The following CUX1 variants were observed in gnomAD, a reference collection of about 807,000 sequenced individuals.
CUX1 encodes protein CASP.
A neutral mutation model predicts 158.8 loss-of-function variants in CUX1; 31 were observed. That is an observed-to-expected ratio of 0.20 (90% CI 0.15 to 0.26). The LOEUF (loss-of-function observed/expected upper bound fraction) is 0.26. Among genes scored for constraint, CUX1 ranks in the 10% least tolerant of loss-of-function variants. CUX1 has a pLI of 1.00. For synonymous variants in CUX1, 879 were observed against 862.1 expected (o/e 1.02, Z -0.34); for missense variants, 1,589 against 2,014.6 (o/e 0.79, Z 4.04).
rs77106891 is a variant in CUX1 at position 102,167,452 on chromosome 7, G to A, written c.724-2994G>A. Among the ~76,000 whole-genome samples the A allele has an allele frequency of 1.2e-3, 181 of 152,248 alleles. 1 individual carries two copies. In the East Asian group the frequency reaches 0.032, roughly 27 times the overall value. ...GGGGACACCTTGTAACCAGATGCCCGGGACTTCCCCAGCGCTGGCCGTTCC... is the reference window on the plus strand; with the variant it reads ...GGGGACACCTTGTAACCAGATGCCCAGGACTTCCCCAGCGCTGGCCGTTCC... On this transcript the variant is annotated intron_variant, in intron 9 of 23. Coordinates refer to ENST00000292535, the MANE Select transcript of CUX1 (RefSeq NM_181552.4).
chr7:101,822,793 C>G (rs936264629), intron 1 of CUX1, among the ~76,000 whole-genome samples: 1 of 151,650 alleles, frequency 6.6e-6, no homozygotes, highest in Non-Finnish European at 1.5e-5. Context: ...CCCAGATACT[C>G]GGCAGGCTGA....
intron 3 of CUX1, among the ~76,000 whole-genome samples, chr7:102,033,760 A>T (rs1039811827): frequency 3.9e-5 from 6 of 152,214 alleles, no homozygotes; most frequent in African/African-American, 1.4e-4. Flanking sequence ...CAGAAAATAG[A>T]AAGAGCGAGC....
intron 8 of CUX1, among the ~76,000 whole-genome samples, chr7:102,146,353 C>T (rs1160012555): frequency 6.6e-6 from 1 of 152,196 alleles, no homozygotes; most frequent in Non-Finnish European, 1.5e-5. Flanking sequence ...CTGGTGAGCA[C>T]CCAGCCGGCC....
chr7:102,229,625 T>TA (rs1434979604), intron 21 of CUX1, among the ~76,000 whole-genome samples: 1 of 140,370 alleles, frequency 7.1e-6, no homozygotes, highest in East Asian at 2.1e-4. Flanking sequence ...TTTTTTTTTT[T>TA]TTTTTTTTTT....
intron 2 of CUX1, among the ~76,000 whole-genome samples, chr7:101,963,539 T>C (rs748762974): frequency 7.8e-4 from 119 of 152,200 alleles, no homozygotes; most frequent in South Asian, 2.1e-4. Context: ...CTGGAGGGCA[T>C]TTGAGAGGGC....
intron 3 of CUX1, among the ~76,000 whole-genome samples, chr7:102,043,801 A>G (rs528381551): frequency 5.3e-5 from 8 of 152,210 alleles, no homozygotes; most frequent in Admixed American, 3.3e-4. Flanking sequence ...GGCTGTACCA[A>G]TTTACATTCC....
At position 102,070,410 on chromosome 7, in the gene CUX1, C is replaced by T. The variant is rs534264135; in HGVS notation, c.261C>T (p.Asp87=). 27 of 1,608,814 alleles carry T rather than the reference C, an allele frequency of 1.7e-5. No homozygotes were observed. The Admixed American group carries it at 2.2e-4, about 13-fold the overall frequency. Residue 87 remains aspartate, a synonymous_variant, in exon 4 of 24, where the codon GAC becomes GAT. Transcript: ENST00000292535. ...AFLNVYKRLI[D]VPDPVPALDL... is the part of the protein sequence containing the mutation. ...TGAATGTCTACAAAAGATTGATTGA[C>T]GTCCCAGGTAAGCCCCGGCAGTAAT... is the stretch of plus-strand genomic sequence containing the variant.
chr7:102,077,764 C>T (rs572594943), intron 4 of CUX1, among the ~76,000 whole-genome samples: 4 of 152,216 alleles, frequency 2.6e-5, no homozygotes, highest in African/African-American at 9.6e-5. Context: ...TTCTAACAGG[C>T]TCTTGCATAG....
chr7:101,913,444 T>A, intron 1 of CUX1: 1 of 1,234,532 alleles, frequency 8.1e-7, no homozygotes. Flanking sequence ...TCAAGGTGGG[T>A]TCACCTTGCA....
chr7:102,090,106 G>A (rs1260772988), intron 4 of CUX1, among the ~76,000 whole-genome samples: 3 of 152,076 alleles, frequency 2.0e-5, no homozygotes, highest in Non-Finnish European at 2.9e-5. Context: ...TTTGATTTTT[G>A]GTTTTCATGG....
chr7:101,834,748 C>T (rs1050597665), intron 1 of CUX1, among the ~76,000 whole-genome samples: 2 of 152,016 alleles, frequency 1.3e-5, no homozygotes, highest in African/African-American at 4.8e-5. Flanking sequence ...CCTGTAATCC[C>T]AGCACTTTGG....
chr7:101,862,772 T>A (rs1797594870), intron 1 of CUX1, among the ~76,000 whole-genome samples: 1 of 152,054 alleles, frequency 6.6e-6, no homozygotes, highest in South Asian at 2.1e-4. Flanking sequence ...GGTGTGTGTG[T>A]GTGTGTGGAA....
chr7:101,998,047 G>A (rs1309031058), intron 2 of CUX1, among the ~76,000 whole-genome samples: 2 of 152,218 alleles, frequency 1.3e-5, no homozygotes, highest in Admixed American at 1.3e-4. Flanking sequence ...TTTAGCAAAA[G>A]TGCAGTGTGG....
intron 1 of CUX1, among the ~76,000 whole-genome samples, chr7:101,853,584 GGTGTGTGT>G (rs59324904): frequency 4.5e-4 from 64 of 140,868 alleles, no homozygotes; most frequent in East Asian, 2.0e-3. Context: ...CAATAGAAAG[GGTGTGTGT>G]GTGTGTGTGT....
At chr7:102,137,697 C>T (rs1267930067) in intron 8 of CUX1, among the ~76,000 whole-genome samples, 2 of 152,090 alleles carry the variant, frequency 1.3e-5, no homozygotes, top group African/African-American at 4.8e-5. Context: ...AGTAGGATTA[C>T]ACTTTTAAAT....
intron 8 of CUX1, among the ~76,000 whole-genome samples, chr7:102,127,858 TTTTG>T (rs1554495871): frequency 2.0e-5 from 3 of 151,778 alleles, no homozygotes; most frequent in African/African-American, 7.3e-5. Flanking sequence ...GTTTGTTTTG[TTTTG>T]TTTGAGACGG....
chr7:102,075,997 A>G lies in CUX1; in HGVS notation c.268+5580A>G, dbSNP rs1225544547. ...GTAGGATCTCCCTCCACCCCAGCTT[A>G]TCCCCCACCATCCCCACCCGCCCCA... On this transcript the variant is annotated intron_variant, in intron 4 of 23. Transcript: ENST00000292535. 7.3e-5 allele frequency among the ~76,000 whole-genome samples: 11 copies of G among 151,672 alleles called. No individual in the cohort carries two copies. The East Asian group carries it at 1.4e-3, about 19-fold the overall frequency.
chr7:102,253,114 C>T lies in CUX1; in HGVS notation c.*4072C>T, dbSNP rs1170784964. On this transcript the variant is annotated 3_prime_UTR_variant, in exon 24 of 24. Coordinates refer to ENST00000292535, the MANE Select transcript of CUX1 (RefSeq NM_181552.4). ...GTACAAATACCTCCCTGCTCAGTTTCCTTCCTGTCGCCATCTTTGTTTTCT... is the reference window on the plus strand; with the variant it reads ...GTACAAATACCTCCCTGCTCAGTTTTCTTCCTGTCGCCATCTTTGTTTTCT... 2.0e-6 allele frequency: 2 copies of T among 985,428 alleles called. No individual in the cohort carries two copies. Among genetic ancestry groups the T allele is most frequent in the African/African-American group, 1.7e-5 (1 of 57,256 alleles). 61.0% of individuals were successfully genotyped at this position (985,428 alleles called of 1,614,324 possible).
At chr7:102,106,056 T>C (rs1239039883) in intron 6 of CUX1, among the ~76,000 whole-genome samples, 1 of 150,386 alleles carries the variant, frequency 6.6e-6, no homozygotes, top group Non-Finnish European at 1.5e-5. Context: ...CTATGCTGAA[T>C]ACTTGGTGAA....
Sources: gnomAD v4.1 joint callset for allele counts (sites outside exome capture counted in the v4.1 genomes callset) on GRCh38, gnomAD v4.1.1 for gene constraint, MANE v1.5 for transcripts, NCBI Gene and HGNC (gene_info 2026-07-23, HGNC 2026-07-21) for gene names.